ABTB1: variants seen among roughly 807,000 people sequenced by gnomAD.
ABTB1 encodes ankyrin repeat and BTB/POZ domain-containing protein 1.
A neutral mutation model predicts 57.1 loss-of-function variants in ABTB1; 45 were observed. The ratio of observed to expected loss-of-function variants is 0.79; its 90% CI spans 0.62 to 1.01. The LOEUF (loss-of-function observed/expected upper bound fraction) is 1.01, where lower values mean the gene tolerates loss of function less well. Among genes scored for constraint, ABTB1 ranks in the 50% least tolerant of loss-of-function variants. ABTB1 has a pLI of 0.00. For synonymous variants in ABTB1, 302 were observed against 275.4 expected, an observed-to-expected ratio of 1.10 and a Z score of -0.95; for missense variants, 630 against 666.3, an observed-to-expected ratio of 0.95 and a Z score of 0.60.
chr3:127,679,771 C>T (rs1318145421), intron 10 of ABTB1: 20 of 594,242 alleles, frequency 3.4e-5, no homozygotes, highest in Non-Finnish European at 3.0e-5. Context: ...GGAGAACCCC[C>T]CAGTCTTCTG....
At chr3:127,678,305 A>T (rs761545646) in intron 10 of ABTB1, 273 of 166,080 alleles carry the variant, frequency 1.6e-3, no homozygotes, top group East Asian at 7.2e-3. Context: ...AGAGAGAGAG[A>T]GAGTGTGTGT....
At position 127,676,096 on chromosome 3, in the gene ABTB1, A is replaced by T. The variant is rs762200969; in HGVS notation, c.302A>T (p.Tyr101Phe). The change falls in exon 4 of 12, where the codon TAT (tyrosine) becomes TTT (phenylalanine). Residue 101 changes from tyrosine to phenylalanine, a missense_variant. This residue lies in a region of ABTB1 where 579 missense variants were observed against 585.9 expected (regional missense o/e 0.99). Coordinates refer to ENST00000232744, the MANE Select transcript of ABTB1 (RefSeq NM_172027.3). This position sits in a 1 kb window ranked among gnomAD's most constrained non-coding sequence, Gnocchi z 5.4. ...GCTTCCTGCAGGAGGCGGGATTACT[A>T]TGACGACTTCTTGCAGCGGTGAGCC... ...VTASCRRRDY[Y>F]DDFLQRLLEQ... 6.2e-7 allele frequency: 1 copy of T among 1,613,304 alleles called. No homozygotes were observed. Among genetic ancestry groups the T allele is most frequent in the East Asian group, 2.2e-5 (1 of 44,882 alleles).
At position 127,677,259 on chromosome 3, in the gene ABTB1, C is replaced by A. The variant is rs748026336; in HGVS notation, c.735C>A (p.Ala245=). The change falls in exon 8 of 12, where the codon GCC becomes GCA. Residue 245 remains alanine, a synonymous_variant. Coordinates refer to ENST00000232744, the MANE Select transcript of ABTB1 (RefSeq NM_172027.3). The stretch of plus-strand genomic sequence containing the variant: ...TCCGGGAGGACATGGCGCTGCTGGC[C>A]GATTGTGCCCTGCCCCCCGAGCTCC... ...PRLREDMALL[A]DCALPPELRG... is the part of the protein sequence containing the mutation. 8 of 1,593,818 alleles carry A rather than the reference C, an allele frequency of 5.0e-6. 1 individual carries two copies. In the Middle Eastern group the frequency reaches 8.3e-4, roughly 165 times the overall value.
intron 10 of ABTB1, chr3:127,679,647 C>T: frequency 5.9e-6 from 3 of 510,014 alleles, no homozygotes; most frequent in Non-Finnish European, 1.1e-5. Context: ...AGTGACTTGC[C>T]CAGGGCCCCA....
intron 3 of ABTB1, among the ~76,000 whole-genome samples, chr3:127,675,290 C>T (rs1486943876): frequency 3.2e-5 from 4 of 123,996 alleles, no homozygotes; most frequent in African/African-American, 1.2e-4. Context: ...TTTTTGGAGA[C>T]AGAGTCTTGC....
intron 10 of ABTB1, chr3:127,679,270 TC>T: frequency 3.1e-6 from 1 of 324,038 alleles, no homozygotes; most frequent in Non-Finnish European, 6.2e-6. Context: ...CGTCGTCACT[TC>T]CTAAGGCCTT....
rs765231487 is a variant in ABTB1 at position 127,677,452 on chromosome 3, T to G, written c.763-13T>G. On this transcript the variant is annotated splice_polypyrimidine_tract_variant and intron_variant, in intron 8 of 11. Coordinates refer to ENST00000232744, the MANE Select transcript of ABTB1 (RefSeq NM_172027.3). ...ACAACTGCTCTGATGGGGTCACCTC[T>G]TCTGTACCCCAGGGTGATCTTTGGG... 3 of 1,613,482 alleles carry G rather than the reference T, an allele frequency of 1.9e-6. No homozygotes were observed. The highest frequency in any genetic ancestry group is 2.5e-6 in the Non-Finnish European group (3 of 1,179,580).
chr3:127,673,682 T>C, intron 1 of ABTB1: 1 of 153,632 alleles, frequency 6.5e-6, no homozygotes, highest in Non-Finnish European at 1.4e-5. Context: ...TGGCCCTTCC[T>C]CCCCCTTGAC....
In ABTB1 at chr3:127,679,784, C is replaced by G. The variant is rs2075080539; in HGVS notation, c.1030-201C>G. The G allele has an allele frequency of 5.5e-6, 2 of 365,186 alleles. 1 individual carries two copies. Among genetic ancestry groups the G allele is most frequent in the South Asian group, 4.0e-5 (2 of 49,590 alleles). 22.6% of individuals were successfully genotyped at this position (365,186 alleles called of 1,614,324 possible). On this transcript the variant is annotated intron_variant, in intron 10 of 11. Transcript: ENST00000232744. ...TGGGAGAACCCCCCAGTCTTCTGCCCCCTAGCGGTCCTGCAGATCCCTGTG... is the reference window on the plus strand; with the variant it reads ...TGGGAGAACCCCCCAGTCTTCTGCCGCCTAGCGGTCCTGCAGATCCCTGTG...
intron 3 of ABTB1, among the ~76,000 whole-genome samples, chr3:127,674,957 C>T (rs2074944126): frequency 6.6e-6 from 1 of 152,212 alleles, no homozygotes; most frequent in South Asian, 2.1e-4. Context: ...GTGAGCCTGC[C>T]TGGCCATGCC....
Position 127,676,808 on chromosome 3 carries a change from G to T in ABTB1, c.527-159G>T. The T allele has an allele frequency of 2.3e-6, 2 of 854,344 alleles. 1 individual carries two copies. Among genetic ancestry groups the T allele is most frequent in the South Asian group, 3.4e-5 (2 of 59,228 alleles). The allele number at this position is 854,344 out of a possible 1,614,324, so 52.9% of individuals were successfully genotyped here. A position where few individuals can be genotyped will look rare whatever the true frequency, so the allele number is the denominator to read the frequency against. On this transcript the variant is annotated intron_variant, in intron 6 of 11. Transcript: ENST00000232744. This position sits in a 1 kb window ranked among gnomAD's most constrained non-coding sequence, Gnocchi z 5.4. ...GAGGCCCTCCCATCTGTTCCCTGGG[G>T]CCTGTAGAACAGCTTTTGATGGGGA...
intron 3 of ABTB1, chr3:127,675,693 T>C (rs1022312784): frequency 5.8e-6 from 3 of 517,312 alleles, no homozygotes; most frequent in African/African-American, 5.7e-5. Context: ...TGTGCTCCAG[T>C]GTGTGGGACA....
rs756066641 is a variant in ABTB1 at position 127,677,187 on chromosome 3, G to T, written c.663G>T (p.Thr221=). ...VSEFVASKPG[T]CVKVLTIEPP... is the part of the protein sequence containing the mutation. ...CTGTAGTGGCGTCTAAGCCAGGCACGTGTGTGAAGGTGCTGACCATCGAGC... is the reference window on the plus strand; with the variant it reads ...CTGTAGTGGCGTCTAAGCCAGGCACTTGTGTGAAGGTGCTGACCATCGAGC... The change falls in exon 8 of 12, where the codon ACG becomes ACT. Residue 221 remains threonine, a synonymous_variant. Transcript: ENST00000232744. 3.1e-6 allele frequency: 5 copies of T among 1,612,996 alleles called. No homozygotes were observed. The East Asian group carries it at 8.9e-5, about 29-fold the overall frequency.
rs1559882692 is a variant in ABTB1, at chr3:127,672,976, C to A, written c.-50C>A. On this transcript the variant is annotated 5_prime_UTR_variant, in exon 1 of 12. Coordinates refer to ENST00000232744, the MANE Select transcript of ABTB1 (RefSeq NM_172027.3). ...TGAGCGTGTTTACATCCGCCGGGTGCGCGGCTTCGCCGCCCGAGGTCGTTC... is the reference window on the plus strand; with the variant it reads ...TGAGCGTGTTTACATCCGCCGGGTGAGCGGCTTCGCCGCCCGAGGTCGTTC... The A allele has an allele frequency of 6.6e-7, 1 of 1,516,620 alleles. No homozygotes were observed. Among genetic ancestry groups the A allele is most frequent in the East Asian group, 2.7e-5 (1 of 37,236 alleles). 93.9% of individuals were successfully genotyped at this position (1,516,620 alleles called of 1,614,324 possible). A position where few individuals can be genotyped will look rare whatever the true frequency, so the allele number is the denominator to read the frequency against.
Position 127,674,495 on chromosome 3 carries a change from C to T in ABTB1, c.119+42C>T, listed in dbSNP as rs759488569. Reference sequence around the variant, plus strand: ...GGGGTGGGGAGGGTGGGGGTTGGTGCACCCCTTCAGCACTGAGGACTGCCT... The same window carrying T: ...GGGGTGGGGAGGGTGGGGGTTGGTGTACCCCTTCAGCACTGAGGACTGCCT... On this transcript the variant is annotated intron_variant, in intron 2 of 11. Coordinates refer to ENST00000232744, the MANE Select transcript of ABTB1 (RefSeq NM_172027.3). 5.0e-6 allele frequency: 8 copies of T among 1,613,500 alleles called. No individual in the cohort carries two copies. In the Admixed American group the frequency reaches 5.0e-5, roughly 10 times the overall value.
At chr3:127,680,242 C>T in intron 11 of ABTB1, 27 bp from the exon 12 acceptor site, 3 of 1,613,342 alleles carry the variant, frequency 1.9e-6, no homozygotes, top group Non-Finnish European at 2.5e-6. Flanking sequence ...GGCACCCCTC[C>T]ACTGAGCTGG....
chr3:127,673,046 C>A lies in ABTB1; in HGVS notation c.21C>A (p.Phe7Leu). 6.3e-7 allele frequency: 1 copy of A among 1,575,004 alleles called. No homozygotes were observed. The highest frequency in any genetic ancestry group is 1.1e-5 in the South Asian group (1 of 87,084). The change falls in exon 1 of 12, where the codon TTC becomes TTA. Residue 7 changes from phenylalanine (F) to leucine (L), a missense_variant. Physicochemically the swap from Phe to Leu is conservative, Grantham distance 22. Around this residue, in one of 3 missense-constraint regions of ABTB1, gnomAD observed 579 missense variants for 585.9 expected, o/e 0.99. Coordinates refer to ENST00000232744, the MANE Select transcript of ABTB1 (RefSeq NM_172027.3). ...GCGCCATGGACACCAGCGACCTGTT[C>A]GCCAGCTGCAGGAAGGGGGATGTGG... Reference protein sequence around the residue: MDTSDLFASCRKGDVGR... With the variant: MDTSDLLASCRKGDVGR...
At chr3:127,677,141 C>T in intron 7 of ABTB1, 27 bp from the exon 8 acceptor site, 1 of 1,612,818 alleles carries the variant, frequency 6.2e-7, no homozygotes, top group Non-Finnish European at 8.5e-7. Context: ...GCTGGCCTGG[C>T]TCCCTGAAGT....
rs1488546726 is a variant in ABTB1, at chr3:127,677,801, C to T, written c.987C>T (p.Val329=). The T allele has an allele frequency of 1.1e-5, 18 of 1,612,736 alleles. No individual in the cohort carries two copies. Among genetic ancestry groups the T allele is most frequent in the Non-Finnish European group, 1.5e-5 (18 of 1,179,702 alleles). ...CCCTGCATGGCATCTCACCCGACGT[C>T]TTCACTCACGTGCTCTACTACATGT... ...AVTLHGISPD[V]FTHVLYYMYS... is the part of the protein sequence containing the mutation. Residue 329 remains valine, a synonymous_variant, in exon 10 of 12, where the codon GTC becomes GTT. Transcript: ENST00000232744.
Sources: allele counts gnomAD v4.1 joint callset (sites outside exome capture counted in the v4.1 genomes callset), GRCh38; gene constraint gnomAD v4.1.1; regional missense constraint gnomAD v4.1.1; non-coding constraint Gnocchi (gnomAD v3.1); transcripts MANE v1.5; gene names NCBI Gene and HGNC (gene_info 2026-07-23, HGNC 2026-07-21).